DPP6: variants seen among roughly 807,000 people sequenced by gnomAD.
DPP6 encodes the protein A-type potassium channel modulatory protein DPP6.
Under a neutral mutation model 122.6 loss-of-function variants are expected in DPP6, and 69 were observed. That is an observed-to-expected ratio of 0.56 (90% CI 0.46 to 0.69). The LOEUF (loss-of-function observed/expected upper bound fraction) is 0.69, where lower values mean the gene tolerates loss of function less well. Ranked by LOEUF, DPP6 falls within the 30% of genes least tolerant of loss-of-function variation. The pLI is 0.00. For synonymous variants in DPP6, 418 were observed against 433.1 expected (o/e 0.97, Z 0.43); for missense variants, 928 against 1,116.9 (o/e 0.83, Z 2.41).
intron 1 of DPP6, among the ~76,000 whole-genome samples, chr7:154,373,818 C>G (rs1812883514): frequency 6.6e-6 from 1 of 152,156 alleles, no homozygotes; most frequent in South Asian, 2.1e-4. Context: ...TGGCACCCAC[C>G]ATTCAACTTT....
intron 1 of DPP6, among the ~76,000 whole-genome samples, chr7:153,924,875 C>T (rs1014203900): frequency 9.2e-5 from 14 of 152,190 alleles, no homozygotes; most frequent in Admixed American, 8.5e-4. Flanking sequence ...AGTCAGAGTC[C>T]TGACTGCCAG....
In DPP6 at chr7:154,467,665, G is replaced by A. The variant is rs150698674; in HGVS notation, c.359-7274G>A. On this transcript the variant is annotated intron_variant, in intron 2 of 25. Coordinates refer to ENST00000377770, the MANE Select transcript of DPP6 (RefSeq NM_130797.4). ...GAATGGGCTAATACAGCGTCCAACA[G>A]CCTTTATTTGTTTCATACTCCCTCT... Among the ~76,000 whole-genome samples, 3 of 152,274 alleles carry A rather than the reference G, an allele frequency of 2.0e-5. No individual in the cohort carries two copies. The East Asian group carries it at 5.8e-4, about 29-fold the overall frequency.
chr7:154,018,189 C>T (rs553748608), intron 1 of DPP6, among the ~76,000 whole-genome samples: 45 of 151,932 alleles, frequency 3.0e-4, no homozygotes, highest in African/African-American at 1.0e-3. Flanking sequence ...ACCTGAAATA[C>T]GCTGTCCCCT....
At chr7:153,988,409 G>A (rs9655633) in intron 1 of DPP6, among the ~76,000 whole-genome samples, 18,786 of 152,124 alleles carry the variant, frequency 0.12, 1,214 homozygotes, top group Non-Finnish European at 0.13. Context: ...CTGGTAAGGT[G>A]TGGTGACGTG....
chr7:154,209,543 TA>T (rs59919645), intron 1 of DPP6, among the ~76,000 whole-genome samples: 26,373 of 88,566 alleles, frequency 0.3, 3,630 homozygotes, highest in African/African-American at 0.43. Context: ...AAGTTGAAGT[TA>T]AAAAAAAAAA....
chr7:153,809,278 C>G, the DPP6 span, among the ~76,000 whole-genome samples: 5,418 of 151,912 alleles, frequency 0.036, 130 homozygotes, highest in South Asian at 0.12. Context: ...GTAGGAGTTC[C>G]TTCTTCTCTT....
intron 1 of DPP6, among the ~76,000 whole-genome samples, chr7:154,385,527 A>ATTTG (rs1466770071): frequency 6.6e-6 from 1 of 152,264 alleles, no homozygotes; most frequent in East Asian, 1.9e-4. Context: ...TTATTTATTT[A>ATTTG]TTTAGAGACT....
At chr7:153,906,875 G>A (rs530961162) in intron 1 of DPP6, among the ~76,000 whole-genome samples, 5 of 152,222 alleles carry the variant, frequency 3.3e-5, no homozygotes, top group East Asian at 1.9e-4. Flanking sequence ...TCGTGTATAC[G>A]TACCACATTT....
chr7:154,451,685 G>T (rs926010088), intron 2 of DPP6, among the ~76,000 whole-genome samples: 8 of 152,216 alleles, frequency 5.3e-5, no homozygotes, highest in African/African-American at 1.7e-4. Context: ...ACGGCCAGTT[G>T]TCAGGGGCAA....
intron 1 of DPP6, among the ~76,000 whole-genome samples, chr7:154,107,035 A>C: frequency 6.6e-6 from 1 of 152,212 alleles, no homozygotes; most frequent in Non-Finnish European, 1.5e-5. Flanking sequence ...TTCCTTAAAA[A>C]AAAAATCCAA....
At chr7:153,816,002 A>G in the DPP6 span, among the ~76,000 whole-genome samples, 4 of 152,194 alleles carry the variant, frequency 2.6e-5, no homozygotes, top group Non-Finnish European at 5.9e-5. Context: ...CTCACCACAT[A>G]TCATACCCCA....
intron 1 of DPP6, among the ~76,000 whole-genome samples, chr7:153,931,404 C>G (rs1189637445): frequency 6.6e-6 from 1 of 152,146 alleles, no homozygotes; most frequent in Admixed American, 6.5e-5. Flanking sequence ...TCTCATCCTT[C>G]TGGAAGCTTG....
chr7:154,555,777 A>G lies in DPP6; in HGVS notation c.553-11065A>G, dbSNP rs188508666. Among the ~76,000 whole-genome samples the G allele has an allele frequency of 2.2e-3, 342 of 152,148 alleles. 3 individuals are homozygous for G. Among genetic ancestry groups the G allele is most frequent in the African/African-American group, 8.0e-3 (331 of 41,576 alleles). Reference sequence around the variant, plus strand: ...AAAATGGAGAAAATATTCCATTCACAATAAGAACAAAAATATAAAAAGACT... The same window carrying G: ...AAAATGGAGAAAATATTCCATTCACGATAAGAACAAAAATATAAAAAGACT... On this transcript the variant is annotated intron_variant, in intron 4 of 25. Transcript: ENST00000377770.
chr7:154,794,799 C>T (rs1417003541), intron 11 of DPP6, among the ~76,000 whole-genome samples: 1 of 152,238 alleles, frequency 6.6e-6, no homozygotes, highest in Non-Finnish European at 1.5e-5. Flanking sequence ...GCCTCACCCT[C>T]GCCCCATGGG....
intron 1 of DPP6, among the ~76,000 whole-genome samples, chr7:154,020,571 G>A (rs10258509): frequency 6.6e-6 from 1 of 152,166 alleles, no homozygotes; most frequent in Non-Finnish European, 1.5e-5. Flanking sequence ...TGCCATTCAT[G>A]TCATGTTTTA....
At chr7:154,512,080 CTA>C (rs1179800249) in intron 3 of DPP6, among the ~76,000 whole-genome samples, 1 of 152,154 alleles carries the variant, frequency 6.6e-6, no homozygotes, top group African/African-American at 2.4e-5. Flanking sequence ...TGACAGAAGG[CTA>C]TGTTTTCCTC....
At chr7:154,334,582 A>G (rs1461383499) in intron 1 of DPP6, among the ~76,000 whole-genome samples, 1 of 152,156 alleles carries the variant, frequency 6.6e-6, no homozygotes, top group Non-Finnish European at 1.5e-5. Flanking sequence ...CTCGAGATTC[A>G]GTAACATTAT....
intron 7 of DPP6, among the ~76,000 whole-genome samples, chr7:154,676,039 G>A (rs531378093): frequency 6.6e-6 from 1 of 152,360 alleles, no homozygotes; most frequent in African/African-American, 2.4e-5. Flanking sequence ...TCCAGGGGCG[G>A]GGACATGGCC....
intron 16 of DPP6, among the ~76,000 whole-genome samples, chr7:154,827,368 C>A (rs1425821100): frequency 1.3e-5 from 2 of 151,818 alleles, no homozygotes; most frequent in Non-Finnish European, 2.9e-5. Context: ...CTGACCAATT[C>A]AGTCTCAAAG....
Sources: allele counts gnomAD v4.1 joint callset (sites outside exome capture counted in the v4.1 genomes callset), GRCh38; gene constraint gnomAD v4.1.1; transcripts MANE v1.5; gene names NCBI Gene and HGNC (gene_info 2026-07-23, HGNC 2026-07-21).